The following CPLANE1 variants were observed in gnomAD, a reference collection of about 807,000 sequenced individuals.
CPLANE1 encodes ciliogenesis and planar polarity effector 1.
Under a neutral mutation model 362.5 loss-of-function variants are expected in CPLANE1, and 263 were observed. The ratio of observed to expected loss-of-function variants is 0.73; its 90% CI spans 0.66 to 0.80. CPLANE1 has a LOEUF of 0.80. Among genes scored for constraint, CPLANE1 ranks in the 30% least tolerant of loss-of-function variants. CPLANE1 has a pLI of 0.00. For synonymous variants in CPLANE1, 1,212 were observed against 1,302.6 expected (o/e 0.93, Z 1.50); for missense variants, 3,461 against 3,793.4 (o/e 0.91, Z 2.30).
the CPLANE1 span, chr5:37,085,023 A>G: frequency 1.6e-6 from 1 of 632,884 alleles, no homozygotes. Context: ...CACACACCGG[A>G]AGAGAGGTCG....
intron 19 of CPLANE1, 78 bp downstream of exon 19, chr5:37,201,513 T>C (rs1001069625): frequency 2.5e-6 from 3 of 1,205,694 alleles, no homozygotes; most frequent in African/African-American, 3.1e-5. Context: ...AACCTGATGA[T>C]TATTATCAAG....
Position 37,163,933 on chromosome 5 carries a change from T to G in CPLANE1, c.7588+340A>C, listed in dbSNP as rs189199666. 1.1e-4 allele frequency among the ~76,000 whole-genome samples: 17 copies of G among 152,098 alleles called. No homozygotes were observed. In the East Asian group the frequency reaches 3.3e-3, roughly 29 times the overall value. On this transcript the variant is annotated intron_variant, in intron 37 of 52. Transcript: ENST00000651892. ...TGTACTGAAAAGTCAATAAAAATTC[T>G]GAAGCAAACAGGTTAAGGGAGATTC...
chr5:37,173,490 T>C (rs1780350944), intron 32 of CPLANE1, among the ~76,000 whole-genome samples: 1 of 152,052 alleles, frequency 6.6e-6, no homozygotes, highest in African/African-American at 2.4e-5. Context: ...TAGAGTTTCC[T>C]AGCAGAGTCT....
At chr5:37,133,699 T>C (rs987475990) in intron 46 of CPLANE1, among the ~76,000 whole-genome samples, 2 of 152,214 alleles carry the variant, frequency 1.3e-5, no homozygotes, top group African/African-American at 4.8e-5. Context: ...TTTCTAGGTA[T>C]AGAATCATAC....
intron 38 of CPLANE1, 77 bp from the exon 39 acceptor site, chr5:37,158,422 A>T: frequency 7.2e-7 from 1 of 1,383,940 alleles, no homozygotes; most frequent in East Asian, 2.5e-5. Context: ...GCTTTGTATG[A>T]ACAAGTTAGC....
At chr5:37,167,711 G>C (rs1339397875) in intron 34 of CPLANE1, among the ~76,000 whole-genome samples, 1 of 152,236 alleles carries the variant, frequency 6.6e-6, no homozygotes, top group African/African-American at 2.4e-5. Context: ...CTGGGAGTTG[G>C]AGGTTGCAGT....
Position 37,205,494 on chromosome 5 carries a change from T to G in CPLANE1, c.3150-40A>C, listed in dbSNP as rs1790451057. The G allele has an allele frequency of 2.8e-6, 4 of 1,432,604 alleles. No individual in the cohort carries two copies. In the African/African-American group the frequency reaches 5.8e-5, roughly 21 times the overall value. 88.7% of individuals were successfully genotyped at this position (1,432,604 alleles called of 1,614,324 possible). Reference sequence around the variant, plus strand: ...AATTAAGGGAAATGAATCCAAATTTTGAAAAAAAAGGAAAGGTTTCACATA... The same window carrying G: ...AATTAAGGGAAATGAATCCAAATTTGGAAAAAAAAGGAAAGGTTTCACATA... On this transcript the variant is annotated intron_variant, in intron 17 of 52. Transcript: ENST00000651892.
chr5:37,213,734 T>C lies in CPLANE1; in HGVS notation c.2747-2A>G. The C allele has an allele frequency of 1.3e-6, 2 of 1,486,554 alleles. No homozygotes were observed. The highest frequency in any genetic ancestry group is 9.0e-7 in the Non-Finnish European group (1 of 1,108,486). 92.1% of individuals were successfully genotyped at this position (1,486,554 alleles called of 1,614,324 possible). A position where few individuals can be genotyped will look rare whatever the true frequency, so the allele number is the denominator to read the frequency against. On this transcript the variant is annotated splice_acceptor_variant, in intron 15 of 52. Transcript: ENST00000651892. LOFTEE classifies it high-confidence loss of function. The stretch of plus-strand genomic sequence containing the variant: ...ACTCAAAATGAGACTTTGCAGCACC[T>C]AAGGAATACAGCAATGACCTAAGAA...
chr5:37,141,197 T>C, intron 44 of CPLANE1: 1 of 985,370 alleles, frequency 1.0e-6, no homozygotes, highest in South Asian at 4.7e-5. Context: ...TCCATTCTAT[T>C]TTTCCTCAAA....
chr5:37,087,671 T>C, the CPLANE1 span, among the ~76,000 whole-genome samples: 12 of 152,274 alleles, frequency 7.9e-5, no homozygotes, highest in African/African-American at 2.9e-4. Flanking sequence ...TTAGCCAGGA[T>C]GGTCTCAATC....
At chr5:37,145,527 C>T (rs1295962888) in intron 43 of CPLANE1, among the ~76,000 whole-genome samples, 1 of 152,106 alleles carries the variant, frequency 6.6e-6, no homozygotes, top group African/African-American at 2.4e-5. Flanking sequence ...AATTCTTGGG[C>T]TCAAGTGATC....
intron 31 of CPLANE1, 56 bp from the exon 32 acceptor site, chr5:37,174,003 T>G: frequency 7.4e-7 from 1 of 1,358,110 alleles, no homozygotes; most frequent in Non-Finnish European, 1.0e-6. Flanking sequence ...AAAAACAAAT[T>G]GAATGTCTAT....
chr5:37,088,058 C>T, the CPLANE1 span, among the ~76,000 whole-genome samples: 1 of 152,190 alleles, frequency 6.6e-6, no homozygotes, highest in Non-Finnish European at 1.5e-5. Flanking sequence ...ATTTTGATCC[C>T]CAGGCCTATG....
chr5:37,223,734 CTTAAAG>C (rs1326530110), intron 14 of CPLANE1, among the ~76,000 whole-genome samples: 1 of 152,188 alleles, frequency 6.6e-6, no homozygotes, highest in Non-Finnish European at 1.5e-5. Flanking sequence ...ACATACAATT[CTTAAAG>C]TTAAATTACT....
chr5:37,107,713 C>T lies in CPLANE1; in HGVS notation c.9645G>A (p.Val3215=), dbSNP rs751590034. The part of the protein sequence containing the change: ...HPFGVGGVDS[V]SESTGSILSK... The stretch of plus-strand genomic sequence containing the variant: ...TGAGGATGCTGCCAGTGCTCTCAGA[C>T]ACGCTGTCCACACCGCCCACCCCAA... Residue 3215 remains valine, a synonymous_variant, in exon 53 of 53, where the codon GTG becomes GTA. Transcript: ENST00000651892. 2.5e-6 allele frequency: 4 copies of T among 1,612,160 alleles called. No individual in the cohort carries two copies. Among genetic ancestry groups the T allele is most frequent in the Non-Finnish European group, 3.4e-6 (4 of 1,179,204 alleles).
At chr5:37,085,585 G>C in the CPLANE1 span, 1 of 865,344 alleles carries the variant, frequency 1.2e-6, no homozygotes, top group East Asian at 2.4e-5. Context: ...TTCAACACTG[G>C]TACACTGGTA....
At chr5:37,194,896 T>C (rs973528522) in intron 21 of CPLANE1, among the ~76,000 whole-genome samples, 1 of 152,080 alleles carries the variant, frequency 6.6e-6, no homozygotes, top group Non-Finnish European at 1.5e-5. Flanking sequence ...CTCACACCTG[T>C]AATCCCAGCA....
chr5:37,215,739 CTTTTTTTTT>C (rs567527656), intron 15 of CPLANE1, among the ~76,000 whole-genome samples: 9 of 95,200 alleles, frequency 9.5e-5, no homozygotes, highest in South Asian at 4.0e-4. Flanking sequence ...CTTCTCTTTC[CTTTTTTTTT>C]TTTTTTTTTT....
intron 9 of CPLANE1, among the ~76,000 whole-genome samples, 167 bp from the exon 10 acceptor site, chr5:37,227,984 G>C (rs1326994079): frequency 6.6e-6 from 1 of 152,020 alleles, no homozygotes; most frequent in Non-Finnish European, 1.5e-5. Context: ...ACATAACACA[G>C]GATAAAGACA....
Sources: allele counts gnomAD v4.1 joint callset (sites outside exome capture counted in the v4.1 genomes callset), GRCh38; gene constraint gnomAD v4.1.1; transcripts MANE v1.5; gene names NCBI Gene and HGNC (gene_info 2026-07-23, HGNC 2026-07-21).